The following ATXN7L1 variants were observed in gnomAD, a reference collection of about 807,000 sequenced individuals.
ATXN7L1 encodes the protein ataxin-7-like protein 1.
Under a neutral mutation model 70.8 loss-of-function variants are expected in ATXN7L1, and 15 were observed. The ratio of observed to expected loss-of-function variants is 0.21; its 90% CI spans 0.14 to 0.33. The LOEUF is 0.33. Ranked by LOEUF, ATXN7L1 falls within the 10% of genes least tolerant of loss-of-function variation. The probability of loss-of-function intolerance (pLI) is 1.00; values close to 1 mark genes in which losing one functional copy is unlikely to be tolerated. For synonymous variants in ATXN7L1, 440 were observed against 445.1 expected (o/e 0.99, Z 0.14); for missense variants, 975 against 1,097.1 (o/e 0.89, Z 1.57).
At chr7:105,757,180 T>C (rs1799906567) in intron 3 of ATXN7L1, among the ~76,000 whole-genome samples, 1 of 152,136 alleles carries the variant, frequency 6.6e-6, no homozygotes. Flanking sequence ...CTTTCCTTGG[T>C]TTTCCTAGGG....
chr7:105,785,841 G>A (rs985599247), intron 3 of ATXN7L1, among the ~76,000 whole-genome samples: 4 of 152,154 alleles, frequency 2.6e-5, no homozygotes, highest in African/African-American at 7.2e-5. Context: ...GACAGTCCTC[G>A]CCAGAATCTG....
At chr7:105,794,243 T>C (rs568472467) in intron 2 of ATXN7L1, among the ~76,000 whole-genome samples, 16 of 152,262 alleles carry the variant, frequency 1.1e-4, no homozygotes, top group African/African-American at 3.9e-4. Context: ...GGATTTAAAG[T>C]GGTCTGAGCT....
intron 3 of ATXN7L1, among the ~76,000 whole-genome samples, chr7:105,765,158 AC>A (rs1002581107): frequency 6.6e-6 from 1 of 151,792 alleles, no homozygotes; most frequent in African/African-American, 2.4e-5. Flanking sequence ...ACATGGTGAA[AC>A]CCCGTCTCTA....
At chr7:105,815,821 G>A (rs1288642371) in intron 2 of ATXN7L1, among the ~76,000 whole-genome samples, 2 of 152,250 alleles carry the variant, frequency 1.3e-5, no homozygotes, top group Admixed American at 6.5e-5. Context: ...AGCAGGAGGT[G>A]GAAGATTCGG....
intron 2 of ATXN7L1, among the ~76,000 whole-genome samples, chr7:105,809,453 A>G (rs1808097679): frequency 6.6e-6 from 1 of 152,138 alleles, no homozygotes; most frequent in South Asian, 2.1e-4. Flanking sequence ...GCACTCAACC[A>G]TTCTATGTTC....
At chr7:105,613,730 A>G (rs1458582040) in intron 10 of ATXN7L1, 132 bp downstream of exon 10, 1 of 1,516,528 alleles carries the variant, frequency 6.6e-7, no homozygotes, top group Non-Finnish European at 8.8e-7. Flanking sequence ...GAGGGTGAAA[A>G]CTGCCTTCGG....
rs551454 is a variant in ATXN7L1, at chr7:105,725,589, T to C, written c.356-60301A>G. 7.3e-3 allele frequency among the ~76,000 whole-genome samples: 1,108 copies of C among 151,792 alleles called. 28 individuals carry two copies. Among genetic ancestry groups the C allele is most frequent in the African/African-American group, 0.025 (1,018 of 41,334 alleles). The stretch of plus-strand genomic sequence containing the variant: ...CAACTTTAATTTCCATTTCCTTTTT[T>C]TTTTTTTTTGAGATGGAGTCTCACT... On this transcript the variant is annotated intron_variant, in intron 3 of 11. Coordinates refer to ENST00000419735, the MANE Select transcript of ATXN7L1 (RefSeq NM_020725.2).
At chr7:105,665,387 C>A in intron 3 of ATXN7L1, 99 bp from the exon 4 acceptor site, 2 of 985,194 alleles carry the variant, frequency 2.0e-6, no homozygotes, top group Non-Finnish European at 1.5e-6. Flanking sequence ...CGGAGAGAAG[C>A]GCTTTCCCTA....
chr7:105,839,415 T>C (rs1812882513), intron 2 of ATXN7L1, among the ~76,000 whole-genome samples: 1 of 152,190 alleles, frequency 6.6e-6, no homozygotes, highest in African/African-American at 2.4e-5. Context: ...GCTGGGCACA[T>C]GGGTGTAAAT....
chr7:105,636,968 C>A (rs181982026), intron 7 of ATXN7L1, among the ~76,000 whole-genome samples: 2 of 152,310 alleles, frequency 1.3e-5, no homozygotes, highest in Admixed American at 6.5e-5. Flanking sequence ...AAGTTTGGAA[C>A]GGAATTGTTG....
intron 3 of ATXN7L1, among the ~76,000 whole-genome samples, chr7:105,751,102 G>A (rs1799161937): frequency 6.6e-6 from 1 of 152,088 alleles, no homozygotes; most frequent in East Asian, 1.9e-4. Flanking sequence ...CCTTCTCTGT[G>A]TTTTACTTTG....
chr7:105,786,197 C>T (rs550420244), intron 3 of ATXN7L1, among the ~76,000 whole-genome samples: 13 of 152,312 alleles, frequency 8.5e-5, no homozygotes, highest in African/African-American at 1.7e-4. Context: ...AGAAGCTTAA[C>T]GGAGACTGGG....
rs1554376655 is a variant in ATXN7L1 at position 105,605,479 on chromosome 7, G to GT, written c.*2372_*2373insA. ...GTAAGCAGCATTCGATGAGGGTGGG[G>GT]GGGGGGGTGGGGGCTCTTTATTCCA... On this transcript the variant is annotated 3_prime_UTR_variant, in exon 12 of 12. Coordinates refer to ENST00000419735, the MANE Select transcript of ATXN7L1 (RefSeq NM_020725.2). 1 of 100,734 alleles carries GT rather than the reference G, an allele frequency of 9.9e-6. No homozygotes were observed. Among genetic ancestry groups the GT allele is most frequent in the Non-Finnish European group, 2.2e-5 (1 of 46,104 alleles). 6.2% of individuals were successfully genotyped at this position (100,734 alleles called of 1,614,324 possible). A position where few individuals can be genotyped will look rare whatever the true frequency, so the allele number is the denominator to read the frequency against.
At position 105,661,792 on chromosome 7, in the gene ATXN7L1, T is replaced by C. The variant is rs556261374; in HGVS notation, c.578+3274A>G. 5.3e-5 allele frequency among the ~76,000 whole-genome samples: 8 copies of C among 152,284 alleles called. 1 individual carries two copies. Among genetic ancestry groups the C allele is most frequent in the African/African-American group, 1.9e-4 (8 of 41,556 alleles). ...CAGGCAGATGGGAGGTGAGGACAGT[T>C]AGGAGACCGCTGCAGTCCATGGTTC... is the stretch of plus-strand genomic sequence containing the variant. On this transcript the variant is annotated intron_variant, in intron 4 of 11. Coordinates refer to ENST00000419735, the MANE Select transcript of ATXN7L1 (RefSeq NM_020725.2).
At chr7:105,720,966 T>C (rs373544209) in intron 3 of ATXN7L1, among the ~76,000 whole-genome samples, 2 of 152,156 alleles carry the variant, frequency 1.3e-5, no homozygotes, top group South Asian at 2.1e-4. Context: ...CCTCGGGCTG[T>C]AGGAAGTTTC....
chr7:105,696,062 G>A (rs1219790381), intron 3 of ATXN7L1, among the ~76,000 whole-genome samples: 2 of 152,182 alleles, frequency 1.3e-5, no homozygotes, highest in Admixed American at 6.5e-5. Flanking sequence ...GTTCTGCCAC[G>A]CCCTTATAAA....
At chr7:105,812,474 T>G (rs2116543354) in intron 2 of ATXN7L1, among the ~76,000 whole-genome samples, 1 of 152,334 alleles carries the variant, frequency 6.6e-6, no homozygotes, top group Non-Finnish European at 1.5e-5. Context: ...TCTATCAGTT[T>G]CTAAACTAGT....
intron 3 of ATXN7L1, among the ~76,000 whole-genome samples, chr7:105,671,084 G>A (rs1229149408): frequency 3.2e-5 from 4 of 126,722 alleles, no homozygotes; most frequent in African/African-American, 1.3e-4. Context: ...TCCAGCCTGG[G>A]CGACAGCGAG....
At chr7:105,774,997 A>G (rs1802527213) in intron 3 of ATXN7L1, among the ~76,000 whole-genome samples, 7 of 152,286 alleles carry the variant, frequency 4.6e-5, no homozygotes, top group Admixed American at 4.6e-4. Context: ...AACAAAGACA[A>G]TGGTTGCTTT....
Sources: allele counts gnomAD v4.1 joint callset (sites outside exome capture counted in the v4.1 genomes callset), GRCh38; gene constraint gnomAD v4.1.1; transcripts MANE v1.5; gene names NCBI Gene and HGNC (gene_info 2026-07-23, HGNC 2026-07-21).